CX3CR1: variants seen among roughly 807,000 people sequenced by gnomAD.
The protein encoded by CX3CR1 is C-X3-C motif chemokine receptor 1, also known as CX3C chemokine receptor 1.
For synonymous variants in CX3CR1, 168 were observed against 178.5 expected, an observed-to-expected ratio of 0.94 and a Z score of 0.47; for missense variants, 363 against 432.4, an observed-to-expected ratio of 0.84 and a Z score of 1.42.
At chr3:39,283,728 C>G (rs537264853), upstream of CX3CR1, among the ~76,000 whole-genome samples, 2 of 138,898 alleles carry the variant, frequency 1.4e-5, no homozygotes, top group Non-Finnish European at 3.1e-5. Flanking sequence ...TGCAGTGAGC[C>G]GAGATAGCGC....
chr3:39,286,289 A>C (rs937783759), upstream of CX3CR1: 21 of 152,324 alleles, frequency 1.4e-4, no homozygotes, highest in African/African-American at 5.1e-4. Flanking sequence ...AGGTTCACTG[A>C]CACGAAGAGA....
chr3:39,281,464 C>T, upstream of CX3CR1: 1 of 800,102 alleles, frequency 1.2e-6, no homozygotes, highest in Non-Finnish European at 2.0e-6. Context: ...TCCTGTCCCA[C>T]ACTCTTGACG....
At chr3:39,280,335 G>A, upstream of CX3CR1, 6 of 985,488 alleles carry the variant, frequency 6.1e-6, no homozygotes, top group Non-Finnish European at 7.2e-6. Context: ...GAGCCTTCAG[G>A]AAGCTGGGAG....
intron 1 of CX3CR1, among the ~76,000 whole-genome samples, chr3:39,274,926 A>G (rs1264890392): frequency 2.0e-5 from 3 of 150,946 alleles, no homozygotes; most frequent in African/African-American, 7.3e-5. Context: ...CAATGGTGCC[A>G]TCTTGGCTCA....
At chr3:39,273,225 C>G (rs575145826) in intron 1 of CX3CR1, among the ~76,000 whole-genome samples, 9 of 152,362 alleles carry the variant, frequency 5.9e-5, no homozygotes, top group Admixed American at 1.3e-4. Context: ...GGGTTCTCCC[C>G]CTGTGGGCTC....
intron 1 of CX3CR1, among the ~76,000 whole-genome samples, chr3:39,271,656 G>C (rs1179790657): frequency 6.6e-6 from 1 of 152,180 alleles, no homozygotes; most frequent in African/African-American, 2.4e-5. Flanking sequence ...GGTTTTGCCT[G>C]GTTCTGAAGA....
At chr3:39,281,811 T>C, upstream of CX3CR1, 1 of 767,004 alleles carries the variant, frequency 1.3e-6, no homozygotes, top group Non-Finnish European at 2.2e-6. Flanking sequence ...TCTCTTCCCT[T>C]CCCAACTCAC....
chr3:39,284,098 CCGCCA>C (rs201284631), upstream of CX3CR1, among the ~76,000 whole-genome samples: 17 of 151,724 alleles, frequency 1.1e-4, no homozygotes, highest in East Asian at 3.3e-3. Context: ...GCTATGTACC[CCGCCA>C]CACACAAAAG....
chr3:39,278,492 C>T (rs546429010), intron 1 of CX3CR1, among the ~76,000 whole-genome samples: 1 of 152,274 alleles, frequency 6.6e-6, no homozygotes, highest in Non-Finnish European at 1.5e-5. Context: ...TCTCAGGAAA[C>T]CCAGCTCCCT....
At chr3:39,268,593 C>A (rs150091324) in intron 1 of CX3CR1, among the ~76,000 whole-genome samples, 68 of 152,282 alleles carry the variant, frequency 4.5e-4, no homozygotes, top group African/African-American at 1.6e-3. Context: ...GAAGAGCTGG[C>A]AAAGCCGACC....
At chr3:39,281,697 C>G (rs2040901530), upstream of CX3CR1, 1 of 1,597,372 alleles carries the variant, frequency 6.3e-7, no homozygotes, top group Non-Finnish European at 8.5e-7. Context: ...TTCTCTCATC[C>G]TGGTTTAAGT....
At chr3:39,272,482 G>A (rs1215065446) in intron 1 of CX3CR1, among the ~76,000 whole-genome samples, 1 of 152,174 alleles carries the variant, frequency 6.6e-6, no homozygotes, top group Non-Finnish European at 1.5e-5. Flanking sequence ...ATTACCCATT[G>A]TTTCCAATCA....
At chr3:39,287,040 G>A in the CX3CR1 span, 2 of 152,234 alleles carry the variant, frequency 1.3e-5, no homozygotes, top group Non-Finnish European at 2.9e-5. Flanking sequence ...GCTGGAGAGT[G>A]TTGCACAGCC....
chr3:39,271,004 G>A (rs1559368138), intron 1 of CX3CR1, among the ~76,000 whole-genome samples: 1 of 152,212 alleles, frequency 6.6e-6, no homozygotes, highest in Non-Finnish European at 1.5e-5. Flanking sequence ...TGCAGTGTGT[G>A]TGCAATAGGG....
At chr3:39,269,723 G>C (rs983584919) in intron 1 of CX3CR1, among the ~76,000 whole-genome samples, 1 of 152,186 alleles carries the variant, frequency 6.6e-6, no homozygotes, top group Non-Finnish European at 1.5e-5. Flanking sequence ...CCTCATCCTA[G>C]CTCCCTGCTG....
the CX3CR1 span, among the ~76,000 whole-genome samples, chr3:39,291,689 C>T: frequency 6.6e-6 from 1 of 152,186 alleles, no homozygotes; most frequent in East Asian, 1.9e-4. Context: ...GTTTACAAAG[C>T]ACTCCCACAG....
At chr3:39,287,452 C>T in the CX3CR1 span, 3 of 152,210 alleles carry the variant, frequency 2.0e-5, no homozygotes, top group Admixed American at 2.0e-4. Flanking sequence ...TCGGTCAATA[C>T]ACTTGGTGAT....
At chr3:39,284,847 T>C (rs2040933878), upstream of CX3CR1, among the ~76,000 whole-genome samples, 1 of 151,898 alleles carries the variant, frequency 6.6e-6, no homozygotes, top group African/African-American at 2.4e-5. Context: ...GCCAAAGCAG[T>C]GGGTGGTGGA....
intron 1 of CX3CR1, 32 bp from the exon 2 acceptor site, chr3:39,266,550 T>A (rs766610912): frequency 5.0e-5 from 80 of 1,608,226 alleles, no homozygotes; most frequent in Non-Finnish European, 6.5e-5. Flanking sequence ...GTAACTGTGT[T>A]AGTTATCAGA....
Sources: gnomAD v4.1 joint callset for allele counts (sites outside exome capture counted in the v4.1 genomes callset) on GRCh38, gnomAD v4.1.1 for gene constraint, MANE v1.5 for transcripts, NCBI Gene and HGNC (gene_info 2026-07-23, HGNC 2026-07-21) for gene names.